The following AHNAK variants were observed in gnomAD, a reference collection of about 807,000 sequenced individuals.
The protein encoded by AHNAK is neuroblast differentiation-associated protein AHNAK.
AHNAK carries 23 observed loss-of-function variants against 37.8 expected under a neutral mutation model. The observed-to-expected ratio is 0.61, with a 90% CI of 0.44 to 0.86. The LOEUF is 0.86. AHNAK is among the 40% of genes least tolerant of loss of function. The pLI is 0.00. For missense variants in AHNAK, 7,411 were observed against 7,319.4 expected (o/e 1.01, Z -0.46); for synonymous variants, 2,481 against 2,636.3 (o/e 0.94, Z 1.80).
chr11:62,474,062 C>T lies in AHNAK; in HGVS notation c.442+17670G>A, dbSNP rs373604780. Among the ~76,000 whole-genome samples, 345 of 151,514 alleles carry T rather than the reference C, an allele frequency of 2.3e-3. 11 individuals carry two copies. In the South Asian group the frequency reaches 0.067, roughly 30 times the overall value. ...TAATGAGCTTGATTTAATCACTGTACATTGTATACATATATCAAATATGTC... is the reference window on the plus strand; with the variant it reads ...TAATGAGCTTGATTTAATCACTGTATATTGTATACATATATCAAATATGTC... On this transcript the variant is annotated intron_variant, in intron 5 of 5. Coordinates refer to the AHNAK transcript ENST00000257247.
rs763030457 is a variant in AHNAK at position 62,527,219 on chromosome 11, C to T, written c.7198G>A (p.Ala2400Thr). ...DLDLHLKSPK[A>T]KGEVDVDVPK... ...ACATCTACATCCACCTCTCCTTTTG[C>T]CTTGGGGCTCTTCAAGTGTAGATCG... Residue 2400 changes from alanine (A) to threonine (T), a missense_variant, in exon 5 of 5, where the codon GCA (alanine) becomes ACA (threonine). Ala to Thr is a moderately conservative substitution (Grantham distance 58). Coordinates refer to ENST00000378024, the MANE Select transcript of AHNAK (RefSeq NM_001620.3). The T allele has an allele frequency of 3.1e-6, 5 of 1,612,576 alleles. No individual in the cohort carries two copies. Among genetic ancestry groups the T allele is most frequent in the Middle Eastern group, 1.6e-4 (1 of 6,076 alleles).
chr11:62,527,238 T>C lies in AHNAK; in HGVS notation c.7179A>G (p.Leu2393=). Residue 2393 remains leucine (L), a synonymous_variant, in exon 5 of 5, where the codon CTA becomes CTG. Transcript: ENST00000378024. ...APKISMPDLD[L]HLKSPKAKGE... The stretch of plus-strand genomic sequence containing the variant: ...CTTTTGCCTTGGGGCTCTTCAAGTG[T>C]AGATCGAGGTCTGGCATAGAGATTT... The C allele has an allele frequency of 1.2e-6, 2 of 1,613,638 alleles. No homozygotes were observed. The highest frequency in any genetic ancestry group is 1.7e-5 in the Admixed American group (1 of 59,958).
Position 62,531,601 on chromosome 11 carries a change from A to G in AHNAK, c.2816T>C (p.Met939Thr). Residue 939 changes from methionine to threonine, a missense_variant, in exon 5 of 5, where the codon ATG becomes ACG. Coordinates refer to ENST00000378024, the MANE Select transcript of AHNAK (RefSeq NM_001620.3). ...GGAGATCTTGGGGGCCTTGATATTC[A>G]TCTCTGGCATCTTGAACTTGGGGCC... ...LKGPKFKMPE[M>T]NIKAPKISMP... 1 of 1,613,656 alleles carries G rather than the reference A, an allele frequency of 6.2e-7. No individual in the cohort carries two copies. The highest frequency in any genetic ancestry group is 8.5e-7 in the Non-Finnish European group (1 of 1,179,922).
At chr11:62,460,050 G>A (rs1325859122) in intron 5 of AHNAK, among the ~76,000 whole-genome samples, 1 of 151,840 alleles carries the variant, frequency 6.6e-6, no homozygotes, top group South Asian at 2.1e-4. Flanking sequence ...CCCAGGAGGC[G>A]GAGGTAGTGG....
chr11:62,456,001 T>C (rs1219505101), intron 5 of AHNAK, among the ~76,000 whole-genome samples: 1 of 152,044 alleles, frequency 6.6e-6, no homozygotes, highest in African/African-American at 2.4e-5. Context: ...ATCACGCCAC[T>C]GCACTCCAGG....
chr11:62,544,818 A>G (rs1941255353), intron 1 of AHNAK, among the ~76,000 whole-genome samples: 1 of 152,062 alleles, frequency 6.6e-6, no homozygotes, highest in Non-Finnish European at 1.5e-5. Flanking sequence ...CCTGAATTAC[A>G]GCCAGTATAG....
At position 62,524,776 on chromosome 11, in the gene AHNAK, A is replaced by T; in HGVS notation, c.9641T>A (p.Ile3214Asn). The T allele has an allele frequency of 6.2e-7, 1 of 1,614,142 alleles. No homozygotes were observed. The highest frequency in any genetic ancestry group is 1.1e-5 in the South Asian group (1 of 91,066). ...GPKFKMPEMN[I>N]KAPKISMPDL... ...AGGCATTGATATTTTAGGAGCTTTGATGTTCATCTCTGGCATCTTGAATTT... is the reference window on the plus strand; with the variant it reads ...AGGCATTGATATTTTAGGAGCTTTGTTGTTCATCTCTGGCATCTTGAATTT... The change falls in exon 5 of 5, where the codon ATC (isoleucine) becomes AAC (asparagine). Residue 3214 changes from isoleucine to asparagine, a missense_variant. Transcript: ENST00000378024.
chr11:62,532,471 T>C lies in AHNAK; in HGVS notation c.1946A>G (p.His649Arg), dbSNP rs201303995. The change falls in exon 5 of 5, where the codon CAT becomes CGT. Residue 649 changes from histidine (H) to arginine (R), a missense_variant. Physicochemically the swap from His to Arg is conservative, Grantham distance 29. Coordinates refer to ENST00000378024, the MANE Select transcript of AHNAK (RefSeq NM_001620.3). ...GATATCTCCTTTGGGTAGAGTCATA[T>C]GAACATCTGGACCTTCCCCTTTGGC... Reference protein sequence around the residue: ...PGAKGEGPDVHMTLPKGDISI... With the variant: ...PGAKGEGPDVRMTLPKGDISI... The C allele has an allele frequency of 6.2e-7, 1 of 1,614,156 alleles. No individual in the cohort carries two copies. Among genetic ancestry groups the C allele is most frequent in the Non-Finnish European group, 8.5e-7 (1 of 1,180,016 alleles).
At chr11:62,485,134 C>G (rs1480073886) in intron 5 of AHNAK, among the ~76,000 whole-genome samples, 1 of 152,116 alleles carries the variant, frequency 6.6e-6, no homozygotes, top group Non-Finnish European at 1.5e-5. Context: ...AGCAGTGGCT[C>G]ACATCTGTAA....
rs1158652268 is a variant in AHNAK, at chr11:62,533,128, T to C, written c.1289A>G (p.Asn430Ser). Residue 430 changes from asparagine (N) to serine (S), a missense_variant, in exon 5 of 5, where the codon AAT (asparagine) becomes AGT (serine). Asn to Ser is a conservative substitution (Grantham distance 46). Transcript: ENST00000378024. ...CTTGGGGACTTTCATCTTGGGCACA[T>C]TCAGTTTGCTCCCAGGCCCCTGAAC... is the stretch of plus-strand genomic sequence containing the variant. Reference protein sequence around the residue: ...IDVQGPGSKLNVPKMKVPKFS... With the variant: ...IDVQGPGSKLSVPKMKVPKFS... The C allele has an allele frequency of 1.9e-6, 3 of 1,565,540 alleles. No homozygotes were observed. Among genetic ancestry groups the C allele is most frequent in the Middle Eastern group, 1.7e-4 (1 of 5,796 alleles).
intron 5 of AHNAK, among the ~76,000 whole-genome samples, chr11:62,447,445 A>G (rs11828965): frequency 0.017 from 2,555 of 152,246 alleles, 87 homozygotes; most frequent in African/African-American, 0.058. Context: ...CGTCTGTTCC[A>G]CGCTGTTGCT....
At chr11:62,480,654 C>CT (rs1939249742) in intron 5 of AHNAK, among the ~76,000 whole-genome samples, 1 of 150,328 alleles carries the variant, frequency 6.7e-6, no homozygotes. Flanking sequence ...GAGCAAGACT[C>CT]TATCTCAAAA....
Position 62,520,722 on chromosome 11 carries a change from A to G in AHNAK, c.13695T>C (p.Pro4565=). The G allele has an allele frequency of 6.2e-7, 1 of 1,614,170 alleles. No homozygotes were observed. Among genetic ancestry groups the G allele is most frequent in the Non-Finnish European group, 8.5e-7 (1 of 1,180,028 alleles). The change falls in exon 5 of 5, where the codon CCT becomes CCC. Residue 4565 remains proline (P), a synonymous_variant. Coordinates refer to ENST00000378024, the MANE Select transcript of AHNAK (RefSeq NM_001620.3). ...VKGPKVGIDT[P]DIDIHGPEGK... ...CTTCTGGACCATGAATGTCAATATC[A>G]GGAGTGTCAATGCCCACTTTAGGGC...
chr11:62,532,761 C>G lies in AHNAK; in HGVS notation c.1656G>C (p.Leu552Phe). 1.2e-6 allele frequency: 2 copies of G among 1,614,144 alleles called. No individual in the cohort carries two copies. Among genetic ancestry groups the G allele is most frequent in the Non-Finnish European group, 1.7e-6 (2 of 1,180,032 alleles). ...AAGGACTGCCAAGCCTAGGGCCTGTCAAGGTTCCCTCTAGGTTTGGTGTCT... is the reference window on the plus strand; with the variant it reads ...AAGGACTGCCAAGCCTAGGGCCTGTGAAGGTTCCCTCTAGGTTTGGTGTCT... ...DIETPNLEGT[L>F]TGPRLGSPSG... The change falls in exon 5 of 5, where the codon TTG becomes TTC. Residue 552 changes from leucine to phenylalanine, a missense_variant. Coordinates refer to ENST00000378024, the MANE Select transcript of AHNAK (RefSeq NM_001620.3).
At chr11:62,500,424 G>T (rs1240961638) in intron 4 of AHNAK, among the ~76,000 whole-genome samples, 1 of 152,172 alleles carries the variant, frequency 6.6e-6, no homozygotes, top group African/African-American at 2.4e-5. Flanking sequence ...TAGAAGGCTG[G>T]GGTAATCTGA....
At chr11:62,515,758 A>T, downstream of AHNAK, 1 of 465,246 alleles carries the variant, frequency 2.1e-6, no homozygotes, top group Non-Finnish European at 2.9e-6. Context: ...ATTTTCTCCC[A>T]CTACCTCCCG....
chr11:62,539,394 G>A (rs904391677), intron 1 of AHNAK, among the ~76,000 whole-genome samples: 5 of 152,234 alleles, frequency 3.3e-5, no homozygotes, highest in Non-Finnish European at 7.3e-5. Context: ...GCCAGCGAGG[G>A]GGAAAGAGCT....
chr11:62,503,860 T>C (rs570165560), intron 4 of AHNAK, among the ~76,000 whole-genome samples: 12 of 152,110 alleles, frequency 7.9e-5, no homozygotes, highest in Admixed American at 4.6e-4. Flanking sequence ...AATAACTTCT[T>C]TTAAAGTCCC....
chr11:62,490,629 A>C lies in AHNAK; in HGVS notation c.442+1103T>G, dbSNP rs375503233. The stretch of plus-strand genomic sequence containing the variant: ...GAGAAAATGGGGCTCAGATGGAGGA[A>C]GGAGGGTCCACAGGAGCGGATAGAA... On this transcript the variant is annotated intron_variant, in intron 5 of 5. Transcript: ENST00000257247. Among the ~76,000 whole-genome samples, 539 of 152,234 alleles carry C rather than the reference A, an allele frequency of 3.5e-3. 2 individuals carry two copies. Among genetic ancestry groups the C allele is most frequent in the African/African-American group, 0.012 (515 of 41,536 alleles).
Sources: gnomAD v4.1 joint callset for allele counts (sites outside exome capture counted in the v4.1 genomes callset) on GRCh38, gnomAD v4.1.1 for gene constraint, MANE v1.5 for transcripts, NCBI Gene and HGNC (gene_info 2026-07-23, HGNC 2026-07-21) for gene names.